Variants in ADAM19 observed in about 807,000 individuals in gnomAD.
ADAM19 encodes the protein ADAM metallopeptidase domain 19.
Under a neutral mutation model 114.7 loss-of-function variants are expected in ADAM19, and 65 were observed. The ratio of observed to expected loss-of-function variants is 0.57; its 90% CI spans 0.46 to 0.70. The LOEUF (loss-of-function observed/expected upper bound fraction) is 0.70, where lower values mean the gene tolerates loss of function less well. ADAM19 is among the 30% of genes least tolerant of loss of function. The pLI, the probability that ADAM19 is intolerant of heterozygous loss-of-function variation, is 0.00. For missense variants in ADAM19, 1,063 were observed against 1,204.7 expected (o/e 0.88, Z 1.74); for synonymous variants, 466 against 460.5 (o/e 1.01, Z -0.15).
intron 14 of ADAM19, among the ~76,000 whole-genome samples, chr5:157,495,044 C>T (rs1251998063): frequency 2.0e-5 from 3 of 151,950 alleles, no homozygotes; most frequent in African/African-American, 7.3e-5. Flanking sequence ...AGCTGTAATA[C>T]AGTGGCACAA....
chr5:157,513,610 CT>C (rs1451903403), intron 7 of ADAM19, 105 bp from the exon 8 acceptor site: 1 of 1,024,380 alleles, frequency 9.8e-7, no homozygotes, highest in Non-Finnish European at 1.5e-6. Flanking sequence ...CTTCTGTCTT[CT>C]ATGAGCCATC....
At chr5:157,481,540 C>A in intron 22 of ADAM19, 1 of 1,419,124 alleles carries the variant, frequency 7.0e-7, no homozygotes, top group Non-Finnish European at 9.4e-7. Context: ...AGGGTCCCTC[C>A]CCAGGTCAGG....
At chr5:157,572,965 C>T (rs968506288) in intron 1 of ADAM19, among the ~76,000 whole-genome samples, 12 of 152,156 alleles carry the variant, frequency 7.9e-5, no homozygotes, top group South Asian at 4.2e-4. Flanking sequence ...CACGAGAATC[C>T]CTTGAATCTG....
At chr5:157,482,019 T>G (rs1393555236) in intron 21 of ADAM19, 76 bp from the exon 22 acceptor site, 7 of 1,213,062 alleles carry the variant, frequency 5.8e-6, no homozygotes, top group Non-Finnish European at 6.8e-6. Flanking sequence ...ATCTTACAGG[T>G]TAAAATCAGA....
chr5:157,542,435 C>T (rs900883388), intron 3 of ADAM19, among the ~76,000 whole-genome samples: 1 of 152,234 alleles, frequency 6.6e-6, no homozygotes, highest in Non-Finnish European at 1.5e-5. Context: ...TTGGTTTAAG[C>T]AGCAGCTGCA....
chr5:157,551,902 C>G lies in ADAM19; in HGVS notation c.251+12471G>C, dbSNP rs1184192888. On this transcript the variant is annotated intron_variant, in intron 3 of 22. Coordinates refer to ENST00000257527, the MANE Select transcript of ADAM19 (RefSeq NM_033274.5). The stretch of plus-strand genomic sequence containing the variant: ...GGTGCCTTGACTCATGCCTGTAATC[C>G]CAGCACTTTGGGATGGATCACTTGA... Among the ~76,000 whole-genome samples, 4 of 152,076 alleles carry G rather than the reference C, an allele frequency of 2.6e-5. No homozygotes were observed. In the East Asian group the frequency reaches 7.7e-4, roughly 29 times the overall value.
chr5:157,566,640 A>T (rs1353637231), intron 2 of ADAM19: 5 of 152,192 alleles, frequency 3.3e-5, no homozygotes, highest in Non-Finnish European at 1.5e-5. Context: ...AACAGAACAG[A>T]TTCTTTGGAG....
At chr5:157,512,609 A>G (rs894653587) in intron 8 of ADAM19, among the ~76,000 whole-genome samples, 2 of 152,208 alleles carry the variant, frequency 1.3e-5, no homozygotes, top group Non-Finnish European at 2.9e-5. Context: ...ATCTTCTTTC[A>G]TATACACAAT....
intron 5 of ADAM19, among the ~76,000 whole-genome samples, chr5:157,523,669 C>T (rs1364026654): frequency 6.6e-6 from 1 of 152,212 alleles, no homozygotes; most frequent in Non-Finnish European, 1.5e-5. Flanking sequence ...TCTTGTATGG[C>T]TCGCAGAACT....
intron 3 of ADAM19, among the ~76,000 whole-genome samples, chr5:157,559,513 G>A (rs562645832): frequency 3.3e-5 from 5 of 152,310 alleles, no homozygotes; most frequent in African/African-American, 9.6e-5. Context: ...AATTCAGTGT[G>A]CCCTCCTTTT....
chr5:157,486,395 C>T (rs1754931639), intron 21 of ADAM19, among the ~76,000 whole-genome samples: 1 of 152,156 alleles, frequency 6.6e-6, no homozygotes, highest in Non-Finnish European at 1.5e-5. Flanking sequence ...GGACCCGGGG[C>T]CCAGGAGAAG....
chr5:157,571,432 C>G (rs765340860), intron 1 of ADAM19, among the ~76,000 whole-genome samples: 87 of 152,022 alleles, frequency 5.7e-4, no homozygotes, highest in Admixed American at 3.9e-4. Flanking sequence ...TGAACTTGGC[C>G]TGTTGAAGGA....
At chr5:157,521,778 G>C (rs929532814) in intron 5 of ADAM19, among the ~76,000 whole-genome samples, 4 of 152,230 alleles carry the variant, frequency 2.6e-5, no homozygotes, top group Admixed American at 1.3e-4. Flanking sequence ...AGAGGAGAGA[G>C]CTGCTGCACG....
At chr5:157,575,546 G>A (rs1326964324) in intron 1 of ADAM19, 57 bp downstream of exon 1, 2 of 1,324,112 alleles carry the variant, frequency 1.5e-6, no homozygotes, top group African/African-American at 1.5e-5. Context: ...GACCCGCAAG[G>A]CTACTCCCAG....
At chr5:157,492,877 G>A in intron 16 of ADAM19, 96 bp downstream of exon 16, 5 of 1,344,190 alleles carry the variant, frequency 3.7e-6, no homozygotes, top group Non-Finnish European at 5.3e-6. Flanking sequence ...AGGTTGGCGA[G>A]GTGGCATCTG....
chr5:157,477,602 G>T lies in ADAM19; in HGVS notation c.*3347C>A, dbSNP rs1369226492. The T allele has an allele frequency of 3.9e-6, 5 of 1,273,554 alleles. No homozygotes were observed. The Admixed American group carries it at 1.2e-4, about 31-fold the overall frequency. 78.9% of individuals were successfully genotyped at this position (1,273,554 alleles called of 1,614,324 possible). On this transcript the variant is annotated 3_prime_UTR_variant, in exon 23 of 23. Coordinates refer to ENST00000257527, the MANE Select transcript of ADAM19 (RefSeq NM_033274.5). ...AACCTCTCCTTCGCAGGCTCCCCTG[G>T]GGAAGGGGACCTTTCCAGTTGGCGT...
chr5:157,504,711 G>A (rs1281946250), intron 11 of ADAM19, among the ~76,000 whole-genome samples: 2 of 152,172 alleles, frequency 1.3e-5, no homozygotes, highest in Admixed American at 6.5e-5. Context: ...AGGTCCCAAC[G>A]TGATGCCTTC....
intron 9 of ADAM19, among the ~76,000 whole-genome samples, chr5:157,507,900 T>C (rs1489522977): frequency 6.6e-6 from 1 of 152,206 alleles, no homozygotes; most frequent in Non-Finnish European, 1.5e-5. Context: ...AGAACCTATA[T>C]GGAAATTCAT....
At chr5:157,518,451 C>G (rs967933098) in intron 7 of ADAM19, among the ~76,000 whole-genome samples, 5 of 152,176 alleles carry the variant, frequency 3.3e-5, no homozygotes, top group African/African-American at 1.2e-4. Flanking sequence ...GTGGCATGAT[C>G]TCAGCTCACT....
Sources: allele counts gnomAD v4.1 joint callset (sites outside exome capture counted in the v4.1 genomes callset), GRCh38; gene constraint gnomAD v4.1.1; transcripts MANE v1.5; gene names NCBI Gene and HGNC (gene_info 2026-07-23, HGNC 2026-07-21).